GTF2IRD1: variants seen among roughly 807,000 people sequenced by gnomAD.
GTF2IRD1 encodes the protein general transcription factor II-I repeat domain-containing protein 1.
Under a neutral mutation model 113.2 loss-of-function variants are expected in GTF2IRD1, and 26 were observed. The ratio of observed to expected loss-of-function variants is 0.23; its 90% CI spans 0.17 to 0.32. The LOEUF is 0.32. GTF2IRD1 is among the 10% of genes least tolerant of loss of function. The pLI, the probability that GTF2IRD1 is intolerant of heterozygous loss-of-function variation, is 1.00. For missense variants in GTF2IRD1, 864 were observed against 1,280.8 expected (o/e 0.67, Z 4.97); for synonymous variants, 484 against 529.1 (o/e 0.91, Z 1.17).
At position 74,512,701 on chromosome 7, in the gene GTF2IRD1, C is replaced by A. The variant is rs951718970; in HGVS notation, c.124-129C>A. 2 of 761,712 alleles carry A rather than the reference C, an allele frequency of 2.6e-6. No individual in the cohort carries two copies. Among genetic ancestry groups the A allele is most frequent in the Admixed American group, 2.6e-5 (1 of 38,024 alleles). The allele number at this position is 761,712 out of a possible 1,614,324, so 47.2% of individuals were successfully genotyped here. A position where few individuals can be genotyped will look rare whatever the true frequency, so the allele number is the denominator to read the frequency against. On this transcript the variant is annotated intron_variant, in intron 2 of 26. Coordinates refer to ENST00000424337, the MANE Select transcript of GTF2IRD1 (RefSeq NM_005685.4). The surrounding 1 kb of genome is among the most constrained non-coding windows in gnomAD (Gnocchi z 4.4). ...TCTGAGACCAAGAACAGTAGAGGGG[C>A]CGTCTGTCCCTGGAGCTGCTGCTGG...
At chr7:74,580,843 G>A (rs1239508757) in intron 22 of GTF2IRD1, among the ~76,000 whole-genome samples, 2 of 152,106 alleles carry the variant, frequency 1.3e-5, no homozygotes, top group African/African-American at 4.8e-5. Context: ...AAACATGAAG[G>A]TGAAACCCTA....
At chr7:74,541,976 G>C (rs1304297601) in intron 14 of GTF2IRD1, among the ~76,000 whole-genome samples, 1 of 151,498 alleles carries the variant, frequency 6.6e-6, no homozygotes, top group African/African-American at 2.4e-5. Context: ...CCTATGTGTA[G>C]TCCCATCTAC....
intron 25 of GTF2IRD1, among the ~76,000 whole-genome samples, chr7:74,597,136 G>A (rs1471259525): frequency 1.6e-4 from 24 of 151,646 alleles, no homozygotes; most frequent in East Asian, 1.9e-4. Flanking sequence ...TCCGACTCCC[G>A]GGTTCAAGTG....
intron 1 of GTF2IRD1, 43 bp downstream of exon 1, chr7:74,454,219 C>T (rs1562758125): frequency 6.6e-6 from 1 of 151,224 alleles, no homozygotes; most frequent in Admixed American, 6.6e-5. Flanking sequence ...AGGCCCTTCT[C>T]CCCTTCTCCC....
chr7:74,591,112 C>A, intron 24 of GTF2IRD1, 95 bp downstream of exon 24: 1 of 731,122 alleles, frequency 1.4e-6, no homozygotes, highest in East Asian at 2.6e-5. Context: ...GATCCAGACC[C>A]AGGTGTACTG....
Position 74,529,918 on chromosome 7 carries a change from G to A in GTF2IRD1, c.1274+1G>A. Reference sequence around the variant, plus strand: ...ATAGTATCCACTTCATCATTAAGAGGTGCGGGTGGGGCTGGGCGCAGTGGC... The same window carrying A: ...ATAGTATCCACTTCATCATTAAGAGATGCGGGTGGGGCTGGGCGCAGTGGC... On this transcript the variant is annotated splice_donor_variant, in intron 9 of 26. Transcript: ENST00000424337. LOFTEE classifies it high-confidence loss of function. 2 of 1,610,976 alleles carry A rather than the reference G, an allele frequency of 1.2e-6. No homozygotes were observed. Among genetic ancestry groups the A allele is most frequent in the Non-Finnish European group, 1.7e-6 (2 of 1,177,848 alleles).
chr7:74,469,321 T>A (rs1793944365), intron 1 of GTF2IRD1, among the ~76,000 whole-genome samples: 1 of 152,164 alleles, frequency 6.6e-6, no homozygotes, highest in South Asian at 2.1e-4. Flanking sequence ...AGTGTATAAT[T>A]CAGTGTTTTT....
chr7:74,467,383 T>C (rs1793790163), intron 1 of GTF2IRD1, among the ~76,000 whole-genome samples: 2 of 152,238 alleles, frequency 1.3e-5, no homozygotes, highest in African/African-American at 4.8e-5. Flanking sequence ...CTTGTCTCTC[T>C]GAGCCGAGTA....
intron 1 of GTF2IRD1, among the ~76,000 whole-genome samples, chr7:74,480,244 G>C (rs563217399): frequency 6.6e-6 from 1 of 152,090 alleles, no homozygotes; most frequent in South Asian, 2.1e-4. Flanking sequence ...GGCCCTGTGC[G>C]GTGTGGGACA....
intron 1 of GTF2IRD1, among the ~76,000 whole-genome samples, chr7:74,461,148 G>T (rs1793338891): frequency 1.3e-5 from 2 of 152,226 alleles, no homozygotes; most frequent in African/African-American, 2.4e-5. Flanking sequence ...CACAGCATGG[G>T]TGTGTGGGAC....
At chr7:74,480,620 G>T (rs13246745) in intron 1 of GTF2IRD1, among the ~76,000 whole-genome samples, 26,931 of 152,048 alleles carry the variant, frequency 0.18, 3,047 homozygotes, top group Non-Finnish European at 0.25. Flanking sequence ...CCTGCCAGGA[G>T]CCAGGCTCAG....
chr7:74,495,718 G>A (rs1283677106), intron 1 of GTF2IRD1, among the ~76,000 whole-genome samples: 4 of 152,176 alleles, frequency 2.6e-5, no homozygotes, highest in Non-Finnish European at 5.9e-5. Flanking sequence ...GAGCTAAGAG[G>A]GAGCCAGCAG....
chr7:74,561,786 T>C (rs1386591728), intron 22 of GTF2IRD1, among the ~76,000 whole-genome samples: 1 of 152,048 alleles, frequency 6.6e-6, no homozygotes, highest in East Asian at 1.9e-4. Flanking sequence ...GGTGGTATTC[T>C]AGAGGAACTA....
rs748118015 is a variant in GTF2IRD1, at chr7:74,519,342, C to T, written c.606-67C>T. The T allele has an allele frequency of 2.7e-4, 320 of 1,178,102 alleles. 2 individuals carry two copies. The highest frequency in any genetic ancestry group is 3.6e-4 in the Non-Finnish European group (304 of 847,636). 73.0% of individuals were successfully genotyped at this position (1,178,102 alleles called of 1,614,324 possible). On this transcript the variant is annotated intron_variant, in intron 5 of 26. Transcript: ENST00000424337. ...GCAGAGGGCAGGGATGCGGGGTTTT[C>T]GGGGGAAGAGCTGCAATGTGTGAAA...
At chr7:74,516,942 C>G (rs1020855392) in intron 4 of GTF2IRD1, among the ~76,000 whole-genome samples, 1 of 152,144 alleles carries the variant, frequency 6.6e-6, no homozygotes, top group African/African-American at 2.4e-5. Flanking sequence ...TCTGTGCCCC[C>G]GAGCCCCCAT....
intron 1 of GTF2IRD1, among the ~76,000 whole-genome samples, chr7:74,478,019 ACCC>A (rs1193267914): frequency 6.6e-6 from 1 of 152,122 alleles, no homozygotes; most frequent in Non-Finnish European, 1.5e-5. Flanking sequence ...GTCTCCTGAC[ACCC>A]AGCCCCCACG....
Position 74,493,351 on chromosome 7 carries a change from A to G in GTF2IRD1, c.-6-14724A>G, listed in dbSNP as rs79891480. On this transcript the variant is annotated intron_variant, in intron 1 of 26. Transcript: ENST00000424337. ...GGTCTCAAACTCCTGGGCTCAAGCA[A>G]TCCTCCTGCCTTGGCCCCCAAAGTG... Among the ~76,000 whole-genome samples the G allele has an allele frequency of 0.025, 3,775 of 151,634 alleles. 402 individuals carry two copies. In the East Asian group the frequency reaches 0.35, roughly 14 times the overall value.
chr7:74,588,110 T>C (rs1427690017), intron 22 of GTF2IRD1, among the ~76,000 whole-genome samples: 1 of 148,168 alleles, frequency 6.7e-6, no homozygotes, highest in Non-Finnish European at 1.5e-5. Flanking sequence ...TCTTTTCTTT[T>C]TTTTTTTTTT....
At chr7:74,526,896 G>A (rs1459437458) in intron 8 of GTF2IRD1, among the ~76,000 whole-genome samples, 1 of 152,152 alleles carries the variant, frequency 6.6e-6, no homozygotes, top group Non-Finnish European at 1.5e-5. Context: ...GGATCTGGAT[G>A]CCAAAGCCGC....
Sources: allele counts gnomAD v4.1 joint callset (sites outside exome capture counted in the v4.1 genomes callset), GRCh38; gene constraint gnomAD v4.1.1; non-coding constraint Gnocchi (gnomAD v3.1); transcripts MANE v1.5; gene names NCBI Gene and HGNC (gene_info 2026-07-23, HGNC 2026-07-21).